CNTN5: variants seen among roughly 807,000 people sequenced by gnomAD.
CNTN5 encodes the protein contactin 5, also known as contactin-5.
Under a neutral mutation model 129.1 loss-of-function variants are expected in CNTN5, and 77 were observed. That is an observed-to-expected ratio of 0.60 (90% CI 0.50 to 0.72). The LOEUF (loss-of-function observed/expected upper bound fraction) is 0.72, where lower values mean the gene tolerates loss of function less well. CNTN5 is among the 30% of genes least tolerant of loss of function. The pLI, the probability that CNTN5 is intolerant of heterozygous loss-of-function variation, is 0.00. For synonymous variants in CNTN5, 509 were observed against 465.6 expected (o/e 1.09, Z -1.20); for missense variants, 1,478 against 1,328.8 (o/e 1.11, Z -1.75).
chr11:100,239,339 C>A (rs918080865), intron 16 of CNTN5, among the ~76,000 whole-genome samples: 1 of 151,828 alleles, frequency 6.6e-6, no homozygotes, highest in African/African-American at 2.4e-5. Flanking sequence ...TATGTGTAGA[C>A]CACGTCATAT....
chr11:99,442,074 G>A (rs1943854648), intron 2 of CNTN5, among the ~76,000 whole-genome samples: 1 of 152,006 alleles, frequency 6.6e-6, no homozygotes, highest in African/African-American at 2.4e-5. Flanking sequence ...CCTTTTTTAT[G>A]GCATTTTCAC....
chr11:99,550,717 T>C (rs1948454073), intron 2 of CNTN5, among the ~76,000 whole-genome samples: 1 of 152,194 alleles, frequency 6.6e-6, no homozygotes. Flanking sequence ...ACATCCATCA[T>C]TACCTTAATA....
intron 13 of CNTN5, among the ~76,000 whole-genome samples, chr11:100,133,940 A>G (rs550015807): frequency 6.6e-6 from 1 of 152,212 alleles, no homozygotes; most frequent in South Asian, 2.1e-4. Context: ...CCAAAGATGG[A>G]TTTATAGATG....
At chr11:99,649,793 C>T (rs1013588257) in intron 3 of CNTN5, among the ~76,000 whole-genome samples, 7 of 151,688 alleles carry the variant, frequency 4.6e-5, no homozygotes, top group Non-Finnish European at 8.9e-5. Context: ...AGTCTGGAGA[C>T]TTGATTCATT....
intron 3 of CNTN5, among the ~76,000 whole-genome samples, chr11:99,630,854 A>G (rs548662322): frequency 6.6e-5 from 10 of 152,192 alleles, no homozygotes; most frequent in African/African-American, 1.7e-4. Flanking sequence ...GCAATTTGCT[A>G]TTTTGGAGAT....
At chr11:99,894,747 G>A (rs962578332) in intron 6 of CNTN5, among the ~76,000 whole-genome samples, 5 of 152,068 alleles carry the variant, frequency 3.3e-5, no homozygotes, top group South Asian at 4.1e-4. Context: ...AAAAACAAGT[G>A]CTAGCTATGA....
At chr11:99,451,629 G>A (rs901761922) in intron 2 of CNTN5, among the ~76,000 whole-genome samples, 24 of 152,180 alleles carry the variant, frequency 1.6e-4, no homozygotes, top group East Asian at 5.8e-4. Flanking sequence ...TTTTTTTGCC[G>A]TGTCTGAAGG....
chr11:100,178,252 T>G (rs1482905993), intron 13 of CNTN5, among the ~76,000 whole-genome samples: 1 of 152,168 alleles, frequency 6.6e-6, no homozygotes, highest in Non-Finnish European at 1.5e-5. Context: ...CAAAACACTA[T>G]TCTGGTCTGT....
At chr11:99,800,164 A>T (rs1301837) in intron 3 of CNTN5, among the ~76,000 whole-genome samples, 88,393 of 151,780 alleles carry the variant, frequency 0.58, 26,447 homozygotes, top group East Asian at 0.72. Context: ...ATGTTGTGTC[A>T]GTGTTTTCAT....
rs568724131 is a variant in CNTN5 at position 99,697,288 on chromosome 11, A to G, written c.56-122256A>G. The stretch of plus-strand genomic sequence containing the variant: ...TCCCAAGAATAGAGTGTGGAGAAGG[A>G]TGGGGTTGGGGAGAGAGAAAAAGAG... On this transcript the variant is annotated intron_variant, in intron 3 of 24. Transcript: ENST00000524871. Among the ~76,000 whole-genome samples, 133 of 151,660 alleles carry G rather than the reference A, an allele frequency of 8.8e-4. 1 individual carries two copies. Among genetic ancestry groups the G allele is most frequent in the Admixed American group, 1.1e-3 (16 of 15,182 alleles).
chr11:100,100,619 T>G (rs11222759), intron 13 of CNTN5, among the ~76,000 whole-genome samples: 34,544 of 151,910 alleles, frequency 0.23, 4,396 homozygotes, highest in African/African-American at 0.35. Flanking sequence ...TTTGTTTATG[T>G]GATTGATTAG....
intron 1 of CNTN5, chr11:99,120,026 C>T (rs1858230427): frequency 6.6e-6 from 1 of 151,056 alleles, no homozygotes. Flanking sequence ...GACATTAGAC[C>T]TTTGTCAGAT....
At chr11:99,602,795 C>T (rs1950356072) in intron 3 of CNTN5, among the ~76,000 whole-genome samples, 2 of 148,740 alleles carry the variant, frequency 1.3e-5, no homozygotes, top group African/African-American at 5.0e-5. Context: ...TGACCCCTGA[C>T]CCCCGAGCAG....
chr11:99,278,777 A>G (rs1408940139), intron 1 of CNTN5, among the ~76,000 whole-genome samples: 3 of 151,760 alleles, frequency 2.0e-5, no homozygotes, highest in Non-Finnish European at 1.5e-5. Context: ...ATGACCATTA[A>G]TTAGTATAAT....
At chr11:99,057,259 G>A (rs1864660234) in intron 1 of CNTN5, among the ~76,000 whole-genome samples, 1 of 152,018 alleles carries the variant, frequency 6.6e-6, no homozygotes, top group African/African-American at 2.4e-5. Context: ...TTCTTCCAAT[G>A]TCTTGCCTTT....
At chr11:99,971,928 G>A (rs1951269202) in intron 8 of CNTN5, among the ~76,000 whole-genome samples, 1 of 150,880 alleles carries the variant, frequency 6.6e-6, no homozygotes, top group African/African-American at 2.4e-5. Flanking sequence ...ATTTGTATCA[G>A]GATAATTGAC....
chr11:99,517,378 A>G (rs1191998422), intron 2 of CNTN5, among the ~76,000 whole-genome samples: 1 of 152,068 alleles, frequency 6.6e-6, no homozygotes, highest in East Asian at 1.9e-4. Flanking sequence ...ACAATGCAAA[A>G]CTAATCACAT....
intron 8 of CNTN5, among the ~76,000 whole-genome samples, chr11:99,988,330 C>A (rs1455497584): frequency 6.6e-6 from 1 of 152,180 alleles, no homozygotes; most frequent in Non-Finnish European, 1.5e-5. Flanking sequence ...CAGAGTTATG[C>A]AACCAGGCAG....
intron 9 of CNTN5, among the ~76,000 whole-genome samples, chr11:100,040,620 A>T (rs927086729): frequency 2.1e-4 from 32 of 152,226 alleles, no homozygotes; most frequent in African/African-American, 7.7e-4. Flanking sequence ...GGCTCCACCC[A>T]GTTGGAGCTT....
Sources: gnomAD v4.1 joint callset for allele counts (sites outside exome capture counted in the v4.1 genomes callset) on GRCh38, gnomAD v4.1.1 for gene constraint, MANE v1.5 for transcripts, NCBI Gene and HGNC (gene_info 2026-07-23, HGNC 2026-07-21) for gene names.